Variants in ANKRD13A observed in about 807,000 individuals in gnomAD.
ANKRD13A encodes ankyrin repeat domain 13A.
ANKRD13A carries 48 observed loss-of-function variants against 81.3 expected under a neutral mutation model. The observed-to-expected ratio is 0.59, with a 90% CI of 0.47 to 0.75. The LOEUF (loss-of-function observed/expected upper bound fraction) is 0.75, where lower values mean the gene tolerates loss of function less well. Among genes scored for constraint, ANKRD13A ranks in the 30% least tolerant of loss-of-function variants. The probability of loss-of-function intolerance (pLI) is 0.00; values close to 1 mark genes in which losing one functional copy is unlikely to be tolerated. For missense variants in ANKRD13A, 612 were observed against 734.0 expected, an observed-to-expected ratio of 0.83 and a Z score of 1.92; for synonymous variants, 230 against 270.1, an observed-to-expected ratio of 0.85 and a Z score of 1.45.
intron 6 of ANKRD13A, among the ~76,000 whole-genome samples, chr12:110,020,206 A>G (rs1891011405): frequency 6.6e-6 from 1 of 152,120 alleles, no homozygotes; most frequent in South Asian, 2.1e-4. Flanking sequence ...TATTATCCTT[A>G]TAGTATTTGT....
In ANKRD13A at chr12:110,018,181, A is replaced by G. The variant is rs1890886645; in HGVS notation, c.401-164A>G. Among the ~76,000 whole-genome samples the G allele has an allele frequency of 6.6e-6, 1 of 152,142 alleles. No individual in the cohort carries two copies. The highest frequency in any genetic ancestry group is 2.4e-5 in the African/African-American group (1 of 41,416). Reference sequence around the variant, plus strand: ...ATGGAAGGTTCATTTTTATTTTTCAAGAGTGATTTCCTGTATGGTAAATAT... The same window carrying G: ...ATGGAAGGTTCATTTTTATTTTTCAGGAGTGATTTCCTGTATGGTAAATAT... On this transcript the variant is annotated intron_variant, in intron 4 of 14. Transcript: ENST00000261739. The surrounding 1 kb of genome is among the most constrained non-coding windows in gnomAD (Gnocchi z 4.4).
chr12:110,035,963 G>C (rs1308497076), intron 13 of ANKRD13A, among the ~76,000 whole-genome samples: 1 of 152,140 alleles, frequency 6.6e-6, no homozygotes, highest in Admixed American at 6.5e-5. Flanking sequence ...CCCAAGGTCA[G>C]CTGTGTTTTT....
At chr12:110,007,748 G>A (rs532598468) in intron 1 of ANKRD13A, among the ~76,000 whole-genome samples, 58 of 152,086 alleles carry the variant, frequency 3.8e-4, no homozygotes, top group Non-Finnish European at 5.0e-4. Context: ...TATTTATTGT[G>A]TCATATTTAT....
chr12:110,019,432 A>G (rs1890964413), intron 6 of ANKRD13A, 104 bp downstream of exon 6: 2 of 1,111,300 alleles, frequency 1.8e-6, no homozygotes, highest in Non-Finnish European at 2.5e-6. Context: ...GCTTTTTCTA[A>G]TATGACATAA....
In ANKRD13A at chr12:109,999,806, C is replaced by G. The variant is rs545085009; in HGVS notation, c.96+22C>G. ...CCAGGTGAGGGGCGGGGCGGGGGTC[C>G]GTCTCCCGGTGGGGACTTCGGGGAA... On this transcript the variant is annotated intron_variant, in intron 1 of 14. Transcript: ENST00000261739. This position sits in a 1 kb window ranked among gnomAD's most constrained non-coding sequence, Gnocchi z 4.3. 1.3e-6 allele frequency: 2 copies of G among 1,518,906 alleles called. No individual in the cohort carries two copies. The highest frequency in any genetic ancestry group is 2.5e-5 in the South Asian group (2 of 81,366). 94.1% of individuals were successfully genotyped at this position (1,518,906 alleles called of 1,614,324 possible).
intron 1 of ANKRD13A, among the ~76,000 whole-genome samples, chr12:110,006,663 C>T (rs1047082663): frequency 6.6e-6 from 1 of 150,464 alleles, no homozygotes; most frequent in African/African-American, 2.5e-5. Flanking sequence ...ATGGTGTGAT[C>T]TCGGCTTACC....
At chr12:110,015,958 T>A (rs1305941526) in intron 3 of ANKRD13A, among the ~76,000 whole-genome samples, 1 of 151,686 alleles carries the variant, frequency 6.6e-6, no homozygotes, top group African/African-American at 2.4e-5. Context: ...TCTTTCTTTT[T>A]TTTTTTTTTT....
Position 110,019,255 on chromosome 12 carries a change from AG to A in ANKRD13A, c.664del (p.Glu222LysfsTer50). ...LTLDLMKPKSREVERRLTSPV... is the reference protein window; with the variant it reads ...LTLDLMKPKSXEVERRLTSPV... ...TCTGGACTTGATGAAGCCAAAAAGC[AG>A]GGAAGTTGAGCGGCGGCTCACAAGC... On this transcript the variant is annotated frameshift_variant, in exon 6 of 15. Transcript: ENST00000261739. LOFTEE classifies it high-confidence loss of function. 6.2e-7 allele frequency: 1 copy of A among 1,614,192 alleles called. No individual in the cohort carries two copies. Among genetic ancestry groups the A allele is most frequent in the Non-Finnish European group, 8.5e-7 (1 of 1,180,002 alleles).
chr12:110,016,320 TA>T (rs1469369959), intron 3 of ANKRD13A, 67 bp from the exon 4 acceptor site: 3 of 1,229,410 alleles, frequency 2.4e-6, no homozygotes, highest in Non-Finnish European at 3.3e-6. Context: ...AGAACCCTGT[TA>T]ACCCCTGCTT....
At chr12:110,024,186 T>G in intron 7 of ANKRD13A, 74 bp downstream of exon 7, 1 of 1,342,466 alleles carries the variant, frequency 7.4e-7, no homozygotes, top group Non-Finnish European at 1.0e-6. Context: ...CTGTTCCCAT[T>G]TTTTTCATGC....
chr12:110,021,425 CTTTTTTTT>C (rs59262099), intron 6 of ANKRD13A: 36 of 130,182 alleles, frequency 2.8e-4, no homozygotes, highest in Non-Finnish European at 4.9e-4. Context: ...TTTTTTCTTT[CTTTTTTTT>C]TTTTTTTTTT....
intron 12 of ANKRD13A, 128 bp from the exon 13 acceptor site, chr12:110,033,669 A>T: frequency 1.2e-6 from 1 of 848,076 alleles, no homozygotes. Flanking sequence ...AGAATCTCTC[A>T]TATAATAGTA....
chr12:110,025,201 C>T (rs973958127), intron 7 of ANKRD13A, among the ~76,000 whole-genome samples: 5 of 152,032 alleles, frequency 3.3e-5, no homozygotes, highest in East Asian at 1.9e-4. Context: ...ACTAAAAATA[C>T]GAAAATTAAC....
intron 1 of ANKRD13A, among the ~76,000 whole-genome samples, chr12:110,000,789 C>T: frequency 7.2e-6 from 1 of 139,480 alleles, no homozygotes; most frequent in African/African-American, 2.7e-5. Context: ...CTGAGTTTCG[C>T]TCTTGTTGCC....
intron 1 of ANKRD13A, among the ~76,000 whole-genome samples, chr12:110,010,156 C>T (rs373279344): frequency 6.6e-6 from 1 of 152,204 alleles, no homozygotes; most frequent in African/African-American, 2.4e-5. Flanking sequence ...CATGAGCCAC[C>T]GCGCCTGGCT....
intron 7 of ANKRD13A, among the ~76,000 whole-genome samples, chr12:110,024,403 AATT>A (rs1215305516): frequency 1.3e-5 from 2 of 152,090 alleles, no homozygotes; most frequent in Non-Finnish European, 2.9e-5. Context: ...TCATTCCCTT[AATT>A]ATTTAAAAAA....
chr12:110,037,468 A>C lies in ANKRD13A; in HGVS notation c.1687A>C (p.Lys563Gln), dbSNP rs1566066954. Residue 563 changes from lysine to glutamine, a missense_variant, in exon 15 of 15, where the codon AAA becomes CAA. Lys to Gln is a moderately conservative substitution (Grantham distance 53). Transcript: ENST00000261739. ...DLQLAMELSA[K>Q]ELEEWELRLQ... ...GCAGCTAGCCATGGAGCTCTCTGCC[A>C]AAGAGCTGGAGGAATGGGAGCTCCG... The C allele has an allele frequency of 6.2e-7, 1 of 1,614,230 alleles. No individual in the cohort carries two copies. The highest frequency in any genetic ancestry group is 8.5e-7 in the Non-Finnish European group (1 of 1,180,040).
chr12:110,018,226 G>GA lies in ANKRD13A; in HGVS notation c.401-119_401-118insA. 9.3e-7 allele frequency: 1 copy of GA among 1,071,294 alleles called. No individual in the cohort carries two copies. The highest frequency in any genetic ancestry group is 1.8e-5 in the South Asian group (1 of 54,252). The allele number at this position is 1,071,294 out of a possible 1,614,324, so 66.4% of individuals were successfully genotyped here. Reference sequence around the variant, plus strand: ...AAATATGAAAGCCAAGAAGTCCGTTGTTTGATGGTCACCATCTTGCCACTC... The same window carrying GA: ...AAATATGAAAGCCAAGAAGTCCGTTGATTTGATGGTCACCATCTTGCCACTC... On this transcript the variant is annotated intron_variant, in intron 4 of 14. Coordinates refer to ENST00000261739, the MANE Select transcript of ANKRD13A (RefSeq NM_033121.2). This position sits in a 1 kb window ranked among gnomAD's most constrained non-coding sequence, Gnocchi z 4.4.
chr12:110,025,663 A>T, intron 7 of ANKRD13A, 79 bp from the exon 8 acceptor site: 1 of 1,049,994 alleles, frequency 9.5e-7, no homozygotes, highest in East Asian at 2.6e-5. Context: ...TTTTTGCTTC[A>T]GCATTCTTGC....
Sources: gnomAD v4.1 joint callset for allele counts (sites outside exome capture counted in the v4.1 genomes callset) on GRCh38, gnomAD v4.1.1 for gene constraint, Gnocchi (gnomAD v3.1) non-coding constraint, MANE v1.5 for transcripts, NCBI Gene and HGNC (gene_info 2026-07-23, HGNC 2026-07-21) for gene names.